Variants in CSMD1 observed in about 807,000 individuals in gnomAD.
The protein encoded by CSMD1 is CUB and Sushi multiple domains 1.
CSMD1 carries 213 observed loss-of-function variants against 417.5 expected under a neutral mutation model. The ratio of observed to expected loss-of-function variants is 0.51; its 90% confidence interval spans 0.46 to 0.57. The LOEUF (loss-of-function observed/expected upper bound fraction) is 0.57. Ranked by LOEUF, CSMD1 falls within the 20% of genes least tolerant of loss-of-function variation. The pLI, the probability that CSMD1 is intolerant of heterozygous loss-of-function variation, is 0.00. For synonymous variants in CSMD1, 2,862 were observed against 1,736.8 expected (o/e 1.65, Z -16.11); for missense variants, 6,923 against 4,529.7 (o/e 1.53, Z -15.17).
At chr8:4,323,938 G>T (rs920625550) in intron 3 of CSMD1, among the ~76,000 whole-genome samples, 1 of 152,124 alleles carries the variant, frequency 6.6e-6, no homozygotes, top group Non-Finnish European at 1.5e-5. Context: ...CCCAGCAACA[G>T]GCATTCAGAC....
intron 6 of CSMD1, among the ~76,000 whole-genome samples, chr8:3,749,239 G>C (rs969122642): frequency 9.9e-5 from 15 of 152,168 alleles, no homozygotes; most frequent in Non-Finnish European, 1.5e-5. Context: ...CTGATTTAAA[G>C]AAATAATGTG....
chr8:3,960,440 A>C (rs150981788), intron 5 of CSMD1, among the ~76,000 whole-genome samples: 3 of 152,210 alleles, frequency 2.0e-5, no homozygotes, highest in Admixed American at 1.3e-4. Flanking sequence ...GCTAGTGAGA[A>C]ATACAATTTT....
At chr8:4,044,027 A>T (rs1046935645) in intron 3 of CSMD1, among the ~76,000 whole-genome samples, 32 of 137,918 alleles carry the variant, frequency 2.3e-4, no homozygotes, top group Non-Finnish European at 4.8e-5. Context: ...AAGCTTAATT[A>T]AAAAAAAACG....
At chr8:4,442,736 C>A (rs1217546) in intron 2 of CSMD1, among the ~76,000 whole-genome samples, 1 of 152,034 alleles carries the variant, frequency 6.6e-6, no homozygotes, top group South Asian at 2.1e-4. Context: ...TACAATCAGT[C>A]ACTATTTTAT....
intron 7 of CSMD1, among the ~76,000 whole-genome samples, chr8:3,679,019 G>A (rs1372563995): frequency 6.6e-6 from 1 of 151,966 alleles, no homozygotes; most frequent in African/African-American, 2.4e-5. Context: ...TCCCCTAAAA[G>A]ACCTCCTGAA....
At chr8:3,783,350 C>T (rs1228915722) in intron 5 of CSMD1, among the ~76,000 whole-genome samples, 1 of 152,226 alleles carries the variant, frequency 6.6e-6, no homozygotes, top group East Asian at 1.9e-4. Context: ...CCGTACAACT[C>T]TGTGAGCAAA....
chr8:4,065,094 G>T (rs1331812470), intron 3 of CSMD1, among the ~76,000 whole-genome samples: 2 of 152,260 alleles, frequency 1.3e-5, no homozygotes, highest in East Asian at 3.9e-4. Flanking sequence ...AAATTGTGAA[G>T]ATTTAAAAAT....
intron 1 of CSMD1, among the ~76,000 whole-genome samples, chr8:4,691,084 T>A (rs1007795170): frequency 5.3e-5 from 8 of 152,168 alleles, no homozygotes; most frequent in African/African-American, 1.9e-4. Context: ...ACCTGGGTAT[T>A]TTTAAATGGA....
At chr8:3,204,398 T>A (rs1797137439) in intron 31 of CSMD1, among the ~76,000 whole-genome samples, 1 of 148,312 alleles carries the variant, frequency 6.7e-6, no homozygotes. Context: ...AGCATTTAGG[T>A]AAAAAAAAAA....
chr8:3,824,005 C>G (rs1043601070), intron 5 of CSMD1, among the ~76,000 whole-genome samples: 4 of 151,922 alleles, frequency 2.6e-5, no homozygotes, highest in Non-Finnish European at 4.4e-5. Context: ...TTTTTGCTTC[C>G]AGTCTCTGTG....
chr8:4,209,834 T>C lies in CSMD1; in HGVS notation c.416-177735A>G, dbSNP rs538553887. Among the ~76,000 whole-genome samples the C allele has an allele frequency of 1.5e-3, 232 of 152,316 alleles. 1 individual carries two copies. Among genetic ancestry groups the C allele is most frequent in the Non-Finnish European group, 2.9e-3 (194 of 68,030 alleles). The stretch of plus-strand genomic sequence containing the variant: ...ATATTTATATCCACTTTCAATTACA[T>C]GCAAAATAAGGAGCGGTTAATGCAG... On this transcript the variant is annotated intron_variant, in intron 3 of 69. Transcript: ENST00000635120.
At chr8:4,138,913 C>G (rs373463648) in intron 3 of CSMD1, among the ~76,000 whole-genome samples, 1 of 152,082 alleles carries the variant, frequency 6.6e-6, no homozygotes, top group Admixed American at 6.5e-5. Context: ...TTAATCCAGT[C>G]CTGCAAGCTT....
At chr8:3,164,896 G>C (rs1820114984) in intron 37 of CSMD1, among the ~76,000 whole-genome samples, 1 of 151,820 alleles carries the variant, frequency 6.6e-6, no homozygotes, top group South Asian at 2.1e-4. Flanking sequence ...TTTATATGCA[G>C]TTATTACATA....
intron 25 of CSMD1, among the ~76,000 whole-genome samples, chr8:3,306,452 CACTGTGCCCAGCCTG>C (rs1419126861): frequency 6.6e-6 from 1 of 152,146 alleles, no homozygotes; most frequent in Non-Finnish European, 1.5e-5. Flanking sequence ...AGGCATGAGC[CACTGTGCCCAGCCTG>C]ACTTTGACCT....
chr8:3,775,970 A>G (rs1393665993), intron 5 of CSMD1, among the ~76,000 whole-genome samples: 2 of 152,186 alleles, frequency 1.3e-5, no homozygotes, highest in Non-Finnish European at 2.9e-5. Context: ...TCATGTCATC[A>G]GCCCAGGCTT....
chr8:3,512,993 G>A (rs1015055938), intron 10 of CSMD1, among the ~76,000 whole-genome samples: 1 of 152,086 alleles, frequency 6.6e-6, no homozygotes, highest in Non-Finnish European at 1.5e-5. Flanking sequence ...CCTATGAAAG[G>A]CATTAGCATG....
At chr8:3,040,009 C>G (rs1212678170) in intron 50 of CSMD1, among the ~76,000 whole-genome samples, 2 of 152,168 alleles carry the variant, frequency 1.3e-5, no homozygotes, top group African/African-American at 4.8e-5. Context: ...CAGAAAGTGA[C>G]TCCAACCTCA....
chr8:3,942,881 C>T (rs368601597), intron 5 of CSMD1, among the ~76,000 whole-genome samples: 2 of 152,056 alleles, frequency 1.3e-5, no homozygotes, highest in East Asian at 3.9e-4. Context: ...GTCATAAAAT[C>T]AAATGAATAC....
chr8:3,317,486 T>C (rs186067715), intron 23 of CSMD1, among the ~76,000 whole-genome samples: 202 of 152,304 alleles, frequency 1.3e-3, no homozygotes, highest in African/African-American at 4.7e-3. Flanking sequence ...CTATTACGTT[T>C]TCTATTTTTT....
Sources: gnomAD v4.1 joint callset for allele counts (sites outside exome capture counted in the v4.1 genomes callset) on GRCh38, gnomAD v4.1.1 for gene constraint, MANE v1.5 for transcripts, NCBI Gene and HGNC (gene_info 2026-07-23, HGNC 2026-07-21) for gene names.